DCAF1: variants seen among roughly 807,000 people sequenced by gnomAD.
DCAF1 encodes the protein DDB1 and CUL4 associated factor 1, also known as DDB1- and CUL4-associated factor 1.
DCAF1 carries 15 observed loss-of-function variants against 128.0 expected under a neutral mutation model. The ratio of observed to expected loss-of-function variants is 0.12; its 90% CI spans 0.08 to 0.18. The LOEUF (loss-of-function observed/expected upper bound fraction) is 0.18. Among genes scored for constraint, DCAF1 ranks in the 10% least tolerant of loss-of-function variants. DCAF1 has a pLI of 1.00. For missense variants in DCAF1, 988 were observed against 1,649.5 expected, an observed-to-expected ratio of 0.60 and a Z score of 6.95; for synonymous variants, 610 against 603.0, an observed-to-expected ratio of 1.01 and a Z score of -0.17.
chr3:51,445,640 A>G (rs1461450336), intron 6 of DCAF1, among the ~76,000 whole-genome samples: 1 of 152,174 alleles, frequency 6.6e-6, no homozygotes, highest in Non-Finnish European at 1.5e-5. Context: ...TGGTGACATA[A>G]ACTACTTTTG....
At position 51,431,797 on chromosome 3, in the gene DCAF1, C is replaced by CA. The variant is rs57712570; in HGVS notation, c.1287+1308dup. On this transcript the variant is annotated intron_variant, in intron 10 of 24. Coordinates refer to ENST00000684031, the MANE Select transcript of DCAF1 (RefSeq NM_001387579.1). ...TGAAACCCAATCTCTACAAAAAGTA[C>CA]AAAAAAAAAAAAGAAGTACAAAAAT... is the stretch of plus-strand genomic sequence containing the variant. Among the ~76,000 whole-genome samples the CA allele has an allele frequency of 6.8e-3, 912 of 134,872 alleles. 8 individuals carry two copies. Among genetic ancestry groups the CA allele is most frequent in the African/African-American group, 0.023 (835 of 36,458 alleles). 88.5% of individuals were successfully genotyped at this position (134,872 alleles called of 152,430 possible). A position where few individuals can be genotyped will look rare whatever the true frequency, so the allele number is the denominator to read the frequency against.
rs782571547 is a variant in DCAF1 at position 51,403,345 on chromosome 3, G to C, written c.4263C>G (p.Thr1421=). 6.4e-7 allele frequency: 1 copy of C among 1,556,530 alleles called. No individual in the cohort carries two copies. The highest frequency in any genetic ancestry group is 8.7e-7 in the Non-Finnish European group (1 of 1,149,704). Residue 1421 remains threonine, a synonymous_variant, in exon 24 of 25, where the codon ACC becomes ACG. Coordinates refer to ENST00000684031, the MANE Select transcript of DCAF1 (RefSeq NM_001387579.1). ...EEDDDEDDDD[T]DDLDELDTDQ... ...CAGTGTCAAGCTCATCTAAATCATC[G>C]GTGTCATCATCATCTTCATCATCAT...
intron 14 of DCAF1, among the ~76,000 whole-genome samples, 184 bp downstream of exon 14, chr3:51,422,123 T>G (rs185734670): frequency 4.5e-4 from 69 of 152,184 alleles, no homozygotes; most frequent in Admixed American, 1.2e-3. Context: ...TTTTTTGGTT[T>G]TTTTTTTTAA....
chr3:51,421,101 A>C (rs1699350027), intron 14 of DCAF1, 104 bp from the exon 15 acceptor site: 3 of 1,343,380 alleles, frequency 2.2e-6, no homozygotes, highest in Non-Finnish European at 3.0e-6. Context: ...TTTACTTTAA[A>C]AAACTATATT....
chr3:51,460,693 G>C (rs148619509), intron 6 of DCAF1, among the ~76,000 whole-genome samples: 11,044 of 151,892 alleles, frequency 0.073, 911 homozygotes, highest in East Asian at 0.33. Context: ...AAACAGCATG[G>C]TACTGGTACC....
At chr3:51,422,239 A>C in intron 14 of DCAF1, 68 bp downstream of exon 14, 1 of 716,192 alleles carries the variant, frequency 1.4e-6, no homozygotes, top group Non-Finnish European at 2.6e-6. Flanking sequence ...TAAGTAACCA[A>C]GACCAGAGTG....
rs1485031575 is a variant in DCAF1 at position 51,420,980 on chromosome 3, C to G, written c.1990G>C (p.Gly664Arg). The G allele has an allele frequency of 3.7e-6, 6 of 1,612,320 alleles. No individual in the cohort carries two copies. Among genetic ancestry groups the G allele is most frequent in the African/African-American group, 1.3e-5 (1 of 74,842 alleles). ...ATGAAGAACTCACCCTCAGCCACTCCCAAAATAATGCTGATACCTAATGGG... is the reference window on the plus strand; with the variant it reads ...ATGAAGAACTCACCCTCAGCCACTCGCAAAATAATGCTGATACCTAATGGG... Reference protein sequence around the residue: ...VSTVGISIILGVAEGEFFIHD... With the variant: ...VSTVGISIILRVAEGEFFIHD... Residue 664 changes from glycine (G) to arginine (R), a missense_variant, in exon 15 of 25, where the codon GGA becomes CGA. Physicochemically the swap from Gly to Arg is moderately radical, Grantham distance 125. Transcript: ENST00000684031. The surrounding 1 kb of genome is among the most constrained non-coding windows in gnomAD (Gnocchi z 6.5).
At chr3:51,451,840 G>C (rs1230684177) in intron 6 of DCAF1, among the ~76,000 whole-genome samples, 1 of 151,690 alleles carries the variant, frequency 6.6e-6, no homozygotes, top group Non-Finnish European at 1.5e-5. Flanking sequence ...AAAAACAGTG[G>C]CGGAATAAAA....
At chr3:51,499,166 G>C (rs1553662843) in intron 1 of DCAF1, among the ~76,000 whole-genome samples, 1 of 152,244 alleles carries the variant, frequency 6.6e-6, no homozygotes, top group East Asian at 1.9e-4. Context: ...AAGAAGTGAA[G>C]TTGTTAAGCA....
intron 20 of DCAF1, among the ~76,000 whole-genome samples, chr3:51,413,665 T>G (rs1454769348): frequency 6.6e-6 from 1 of 152,176 alleles, no homozygotes; most frequent in Non-Finnish European, 1.5e-5. Flanking sequence ...AGAGGACAAA[T>G]GCAAAAGCTC....
chr3:51,410,667 A>C (rs1448158995), intron 23 of DCAF1, among the ~76,000 whole-genome samples: 2 of 152,252 alleles, frequency 1.3e-5, no homozygotes, highest in Non-Finnish European at 2.9e-5. Context: ...AATTATTTTA[A>C]ATGTAAGTAC....
At chr3:51,454,324 C>G (rs1457123841) in intron 6 of DCAF1, among the ~76,000 whole-genome samples, 2 of 152,162 alleles carry the variant, frequency 1.3e-5, no homozygotes, top group Admixed American at 1.3e-4. Flanking sequence ...CCTGGGATTA[C>G]AGATATGAGC....
At chr3:51,427,233 A>T (rs528997199) in intron 13 of DCAF1, 139 bp downstream of exon 13, 1 of 558,714 alleles carries the variant, frequency 1.8e-6, no homozygotes, top group Admixed American at 3.4e-5. Context: ...TTTCATGCCT[A>T]ATCTAATTTC....
At chr3:51,399,270 CA>C (rs2089466867) in intron 24 of DCAF1, among the ~76,000 whole-genome samples, 1 of 152,198 alleles carries the variant, frequency 6.6e-6, no homozygotes, top group Non-Finnish European at 1.5e-5. Flanking sequence ...TAAGACCAGG[CA>C]AAAGTGAGAG....
At chr3:51,499,006 G>A (rs542967955) in intron 1 of DCAF1, among the ~76,000 whole-genome samples, 2 of 152,226 alleles carry the variant, frequency 1.3e-5, no homozygotes, top group South Asian at 4.1e-4. Flanking sequence ...ACAGGGTAAG[G>A]AAAAACCAAG....
rs375132324 is a variant in DCAF1, at chr3:51,429,396, G to C, written c.1542C>G (p.Arg514=). The C allele has an allele frequency of 9.9e-5, 77 of 780,742 alleles. No homozygotes were observed. Among genetic ancestry groups the C allele is most frequent in the Middle Eastern group, 2.2e-4 (1 of 4,464 alleles). The allele number at this position is 780,742 out of a possible 1,614,324, so 48.4% of individuals were successfully genotyped here. A position where few individuals can be genotyped will look rare whatever the true frequency, so the allele number is the denominator to read the frequency against. ...CCATGCAGGTATGTTTCCCAGTTTG[G>C]CGGCTAGCAAATATTTCATCATCAC... The part of the protein sequence containing the change: ...LLSDDEIFAS[R]QTGKHTCMAL... Residue 514 remains arginine (R), a synonymous_variant, in exon 12 of 25, where the codon CGC becomes CGG. Transcript: ENST00000684031.
In DCAF1 at chr3:51,477,401, C is replaced by T. The variant is rs1359663497; in HGVS notation, c.110+6318G>A. Among the ~76,000 whole-genome samples, 12 of 150,790 alleles carry T rather than the reference C, an allele frequency of 8.0e-5. No individual in the cohort carries two copies. In the Admixed American group the frequency reaches 8.0e-4, roughly 10 times the overall value. Reference sequence around the variant, plus strand: ...ACAATTTGGTGAAGGAGGGAAGTTACCCCTGATTAAAATAAAATAAACTGA... The same window carrying T: ...ACAATTTGGTGAAGGAGGGAAGTTATCCCTGATTAAAATAAAATAAACTGA... On this transcript the variant is annotated intron_variant, in intron 3 of 24. Transcript: ENST00000684031.
chr3:51,400,653 C>T (rs1553624542), intron 24 of DCAF1, among the ~76,000 whole-genome samples: 1 of 152,116 alleles, frequency 6.6e-6, no homozygotes, highest in Admixed American at 6.5e-5. Context: ...CTTTCCCCAC[C>T]TTCCTTATCC....
intron 12 of DCAF1, among the ~76,000 whole-genome samples, 187 bp from the exon 13 acceptor site, chr3:51,427,728 G>A (rs1700024832): frequency 6.6e-6 from 1 of 152,014 alleles, no homozygotes; most frequent in African/African-American, 2.4e-5. Flanking sequence ...AATCTCCCAG[G>A]CTCAAGCTGC....
Sources: allele counts gnomAD v4.1 joint callset (sites outside exome capture counted in the v4.1 genomes callset), GRCh38; gene constraint gnomAD v4.1.1; non-coding constraint Gnocchi (gnomAD v3.1); transcripts MANE v1.5; gene names NCBI Gene and HGNC (gene_info 2026-07-23, HGNC 2026-07-21).